FGF12: variants seen among roughly 807,000 people sequenced by gnomAD.
FGF12 encodes the protein fibroblast growth factor 12, also known as fibroblast growth factor 12B.
A neutral mutation model predicts 23.6 loss-of-function variants in FGF12; 14 were observed. The ratio of observed to expected loss-of-function variants is 0.59; its 90% CI spans 0.39 to 0.93. The LOEUF is 0.93. FGF12 is among the 40% of genes least tolerant of loss of function. The pLI is 0.00. For missense variants in FGF12, 175 were observed against 217.8 expected, an observed-to-expected ratio of 0.80 and a Z score of 1.24; for synonymous variants, 62 against 77.3, an observed-to-expected ratio of 0.80 and a Z score of 1.04.
intron 3 of FGF12, among the ~76,000 whole-genome samples, chr3:192,347,922 A>T (rs1718037954): frequency 6.6e-6 from 1 of 152,032 alleles, no homozygotes; most frequent in African/African-American, 2.4e-5. Context: ...CGGATGAGGA[A>T]CTCTGGTTTC....
chr3:192,513,877 A>G (rs1342238725), intron 2 of FGF12, among the ~76,000 whole-genome samples: 1 of 152,226 alleles, frequency 6.6e-6, no homozygotes, highest in Non-Finnish European at 1.5e-5. Context: ...TAACTTATAC[A>G]AACCTTTTAA....
intron 2 of FGF12, among the ~76,000 whole-genome samples, chr3:192,384,367 T>C (rs1426300967): frequency 6.6e-6 from 1 of 152,198 alleles, no homozygotes; most frequent in African/African-American, 2.4e-5. Context: ...GCATATTAAA[T>C]TGAAAACAGC....
chr3:192,201,923 C>T (rs1389303153), intron 4 of FGF12, among the ~76,000 whole-genome samples: 1 of 151,986 alleles, frequency 6.6e-6, no homozygotes, highest in Non-Finnish European at 1.5e-5. Flanking sequence ...TTCTATTTAC[C>T]AAGAACAAAT....
intron 2 of FGF12, among the ~76,000 whole-genome samples, chr3:192,508,456 C>T (rs1320092718): frequency 1.3e-5 from 2 of 152,168 alleles, no homozygotes; most frequent in African/African-American, 4.8e-5. Context: ...ACTGAGATAA[C>T]AGATCTATAA....
At chr3:192,483,425 T>TA (rs546438496) in intron 2 of FGF12, among the ~76,000 whole-genome samples, 37 of 151,914 alleles carry the variant, frequency 2.4e-4, no homozygotes, top group Non-Finnish European at 5.9e-5. Flanking sequence ...CAGCCACACG[T>TA]AAAAAAAATG....
intron 2 of FGF12, among the ~76,000 whole-genome samples, chr3:192,436,220 G>C (rs1413667852): frequency 6.6e-6 from 1 of 152,114 alleles, no homozygotes; most frequent in Non-Finnish European, 1.5e-5. Flanking sequence ...AAGCCTCCTG[G>C]GCCAAAAATT....
chr3:192,468,105 G>A (rs1487631497), intron 2 of FGF12, among the ~76,000 whole-genome samples: 2 of 152,164 alleles, frequency 1.3e-5, no homozygotes, highest in African/African-American at 2.4e-5. Flanking sequence ...GAATACATAA[G>A]AGACATGGAG....
At chr3:192,393,867 TA>T (rs1229779815) in intron 2 of FGF12, among the ~76,000 whole-genome samples, 9 of 151,914 alleles carry the variant, frequency 5.9e-5, no homozygotes, top group African/African-American at 1.9e-4. Flanking sequence ...AACATTGTTT[TA>T]AAAAAAAATT....
At position 192,204,911 on chromosome 3, in the gene FGF12, T is replaced by TAAGA. The variant is rs552129079; in HGVS notation, c.229-34259_229-34256dup. On this transcript the variant is annotated intron_variant, in intron 4 of 5. Transcript: ENST00000445105. ...CTCAAAAAGAGAAAAAAAAAGAAAG[T>TAAGA]AAGAAAGAAAGAAAGAAAGAAAAAA... is the stretch of plus-strand genomic sequence containing the variant. 5.7e-4 allele frequency among the ~76,000 whole-genome samples: 86 copies of TAAGA among 151,618 alleles called. 1 individual carries two copies. Among genetic ancestry groups the TAAGA allele is most frequent in the East Asian group, 5.2e-3 (27 of 5,148 alleles).
rs1718687000 is a variant in FGF12, at chr3:192,360,775, T to C, written c.14-237A>G. On this transcript the variant is annotated intron_variant, in intron 2 of 5. Transcript: ENST00000445105. This position sits in a 1 kb window ranked among gnomAD's most constrained non-coding sequence, Gnocchi z 4.3. Reference sequence around the variant, plus strand: ...GCAAATAAATAAAAGCTAATTATGATTGGGAAAATACAGAGACATGCTAAA... The same window carrying C: ...GCAAATAAATAAAAGCTAATTATGACTGGGAAAATACAGAGACATGCTAAA... 1.5e-5 allele frequency: 8 copies of C among 517,700 alleles called. No homozygotes were observed. Among genetic ancestry groups the C allele is most frequent in the Middle Eastern group, 2.8e-4 (1 of 3,548 alleles). The allele number at this position is 517,700 out of a possible 1,614,324, so 32.1% of individuals were successfully genotyped here. A position where few individuals can be genotyped will look rare whatever the true frequency, so the allele number is the denominator to read the frequency against.
rs947274005 is a variant in FGF12, at chr3:192,346,033, T to A, written c.125-10569A>T. ...ATAATGTGGAAAGATTTTTTTTTTT[T>A]AGAAATTAGGGATAAAAAAGGACTT... On this transcript the variant is annotated intron_variant, in intron 3 of 5. Coordinates refer to ENST00000445105, the MANE Select transcript of FGF12 (RefSeq NM_004113.6). 6.4e-5 allele frequency among the ~76,000 whole-genome samples: 7 copies of A among 109,126 alleles called. No homozygotes were observed. In the Admixed American group the frequency reaches 7.0e-4, roughly 11 times the overall value. 71.6% of individuals were successfully genotyped at this position (109,126 alleles called of 152,430 possible).
chr3:192,429,723 T>C (rs900803102), intron 2 of FGF12, among the ~76,000 whole-genome samples: 4 of 152,188 alleles, frequency 2.6e-5, no homozygotes, highest in African/African-American at 9.7e-5. Context: ...TGCTTGTTTA[T>C]CTTGGCAAAT....
intron 2 of FGF12, among the ~76,000 whole-genome samples, chr3:192,594,210 T>C (rs1713744626): frequency 6.6e-6 from 1 of 151,874 alleles, no homozygotes; most frequent in Admixed American, 6.6e-5. Flanking sequence ...AGAATGAGTG[T>C]CATCACATGA....
chr3:192,469,482 T>C (rs1723109003), intron 2 of FGF12, among the ~76,000 whole-genome samples: 1 of 152,200 alleles, frequency 6.6e-6, no homozygotes, highest in Non-Finnish European at 1.5e-5. Context: ...TCTCAAAAGA[T>C]GAGAAACCTG....
chr3:192,168,811 G>C lies in FGF12; in HGVS notation c.427+1647C>G, dbSNP rs1244628826. Among the ~76,000 whole-genome samples the C allele has an allele frequency of 2.0e-5, 3 of 152,186 alleles. No homozygotes were observed. The South Asian group carries it at 6.2e-4, about 31-fold the overall frequency. ...CAAAGAGTGAGCTAACCATGAATAA[G>C]AGGAGACAGAGTGGCATTGGGCAAA... is the stretch of plus-strand genomic sequence containing the variant. On this transcript the variant is annotated intron_variant, in intron 5 of 5. Transcript: ENST00000445105.
chr3:192,270,705 G>A (rs1713376849), intron 4 of FGF12, among the ~76,000 whole-genome samples: 2 of 151,908 alleles, frequency 1.3e-5, no homozygotes, highest in South Asian at 2.1e-4. Context: ...CCTCCAGATT[G>A]TAGAAGAAAA....
Position 192,668,369 on chromosome 3 carries a change from TAATGGGAATATTC to T in FGF12, c.13+58799_13+58811del, listed in dbSNP as rs544282353. On this transcript the variant is annotated intron_variant, in intron 2 of 5. Transcript: ENST00000445105. ...AATATAAACATTGGGTCAGGATTCTTAATGGGAATATTCAATGGGGGACAAATATGACTCCTGC... is the reference window on the plus strand; with the variant it reads ...AATATAAACATTGGGTCAGGATTCTTAATGGGGGACAAATATGACTCCTGC... Among the ~76,000 whole-genome samples the T allele has an allele frequency of 4.8e-3, 731 of 152,270 alleles. 2 individuals carry two copies. The highest frequency in any genetic ancestry group is 6.6e-3 in the Non-Finnish European group (451 of 68,006).
chr3:192,388,472 A>G (rs1164648640), intron 2 of FGF12, among the ~76,000 whole-genome samples: 1 of 152,124 alleles, frequency 6.6e-6, no homozygotes, highest in African/African-American at 2.4e-5. Flanking sequence ...TTTTTTGTCT[A>G]CAGAAATATA....
intron 2 of FGF12, among the ~76,000 whole-genome samples, chr3:192,622,748 C>T (rs755071497): frequency 2.6e-5 from 4 of 152,122 alleles, no homozygotes; most frequent in Non-Finnish European, 5.9e-5. Flanking sequence ...AGATTTCTCA[C>T]TTTTCTTCAT....
Sources: gnomAD v4.1 joint callset for allele counts (sites outside exome capture counted in the v4.1 genomes callset) on GRCh38, gnomAD v4.1.1 for gene constraint, Gnocchi (gnomAD v3.1) non-coding constraint, MANE v1.5 for transcripts, NCBI Gene and HGNC (gene_info 2026-07-23, HGNC 2026-07-21) for gene names.